The following RPH3A variants were observed in gnomAD, a reference collection of about 807,000 sequenced individuals.
RPH3A encodes rabphilin-3A.
Under a neutral mutation model 102.2 loss-of-function variants are expected in RPH3A, and 48 were observed. The observed-to-expected ratio is 0.47, with a 90% CI of 0.37 to 0.60. The LOEUF (loss-of-function observed/expected upper bound fraction) is 0.60, where lower values mean the gene tolerates loss of function less well. Among genes scored for constraint, RPH3A ranks in the 20% least tolerant of loss-of-function variants. The probability of loss-of-function intolerance (pLI) is 0.00; values close to 1 mark genes in which losing one functional copy is unlikely to be tolerated. For synonymous variants in RPH3A, 310 were observed against 324.3 expected, an observed-to-expected ratio of 0.96 and a Z score of 0.47; for missense variants, 781 against 910.1, an observed-to-expected ratio of 0.86 and a Z score of 1.83.
At chr12:112,855,797 A>G (rs904589970) in intron 5 of RPH3A, among the ~76,000 whole-genome samples, 8 of 152,140 alleles carry the variant, frequency 5.3e-5, no homozygotes, top group African/African-American at 1.9e-4. Context: ...TAATAAACTC[A>G]ACAGTAATAT....
chr12:112,817,194 A>T (rs2041690000), intron 2 of RPH3A, among the ~76,000 whole-genome samples: 1 of 152,154 alleles, frequency 6.6e-6, no homozygotes. Flanking sequence ...ATGCACTATC[A>T]TTGTTGATCC....
chr12:112,870,107 T>A, intron 10 of RPH3A, 68 bp downstream of exon 10: 1 of 1,464,524 alleles, frequency 6.8e-7, no homozygotes, highest in Non-Finnish European at 9.2e-7. Context: ...TGAGGGGAAC[T>A]GTGTTTTTAT....
chr12:112,808,352 G>A (rs998621712), intron 2 of RPH3A, among the ~76,000 whole-genome samples: 8 of 152,348 alleles, frequency 5.3e-5, no homozygotes, highest in South Asian at 2.1e-4. Context: ...AGCCCCAGCC[G>A]CGGCAGCTGG....
chr12:112,668,190 C>T (rs1249272147), intron 1 of RPH3A, among the ~76,000 whole-genome samples: 2 of 152,164 alleles, frequency 1.3e-5, no homozygotes, highest in Non-Finnish European at 2.9e-5. Flanking sequence ...TTATCTTACT[C>T]ACCATTCATC....
At chr12:112,724,052 ATTTTT>A (rs146271090) in intron 1 of RPH3A, among the ~76,000 whole-genome samples, 1 of 117,320 alleles carries the variant, frequency 8.5e-6, no homozygotes, top group Non-Finnish European at 1.7e-5. Flanking sequence ...AATTTTTTTG[ATTTTT>A]TTTTTTTTTT....
intron 16 of RPH3A, among the ~76,000 whole-genome samples, chr12:112,886,173 T>C (rs1373277039): frequency 6.6e-6 from 1 of 152,192 alleles, no homozygotes; most frequent in African/African-American, 2.4e-5. Flanking sequence ...AGTCCCTTCC[T>C]GTCCCCCAAG....
intron 1 of RPH3A, chr12:112,649,612 T>C (rs1314771379): frequency 6.6e-6 from 1 of 152,226 alleles, no homozygotes; most frequent in Non-Finnish European, 1.5e-5. Context: ...AATTGGGTGC[T>C]CATATTTTGA....
chr12:112,624,905 C>T (rs201340236), intron 1 of RPH3A, among the ~76,000 whole-genome samples: 105 of 48,236 alleles, frequency 2.2e-3, no homozygotes, highest in African/African-American at 7.3e-3. Context: ...GTTCAATATA[C>T]GCAAATCAAT....
intron 1 of RPH3A, among the ~76,000 whole-genome samples, chr12:112,741,481 C>G (rs1195364116): frequency 1.3e-5 from 2 of 152,204 alleles, no homozygotes; most frequent in Non-Finnish European, 2.9e-5. Context: ...AGACATAGAG[C>G]TGTCTTTGTT....
intron 2 of RPH3A, among the ~76,000 whole-genome samples, chr12:112,821,703 A>G (rs543115277): frequency 6.6e-6 from 1 of 152,048 alleles, no homozygotes; most frequent in Admixed American, 6.5e-5. Flanking sequence ...TTTTTCTCTA[A>G]AGCACTCATC....
At chr12:112,883,052 G>A (rs2042942681) in intron 15 of RPH3A, among the ~76,000 whole-genome samples, 1 of 152,126 alleles carries the variant, frequency 6.6e-6, no homozygotes, top group Non-Finnish European at 1.5e-5. Flanking sequence ...AAAGTTCAAG[G>A]AGGAGGCTTA....
intron 1 of RPH3A, among the ~76,000 whole-genome samples, chr12:112,706,511 T>C (rs1565854143): frequency 6.6e-6 from 1 of 152,146 alleles, no homozygotes; most frequent in East Asian, 1.9e-4. Flanking sequence ...TTACATTTCA[T>C]TCTCCTGCCC....
chr12:112,610,146 G>T lies in RPH3A; in HGVS notation c.-140+34827G>T, dbSNP rs111619729. On this transcript the variant is annotated intron_variant, in intron 1 of 21. Transcript: ENST00000543106. The stretch of plus-strand genomic sequence containing the variant: ...TCGCTCTGTTTCCACCTCTGCATTT[G>T]CTGTTCCTTCTGGCTGGTGCCTCTC... 1.3e-3 allele frequency among the ~76,000 whole-genome samples: 199 copies of T among 152,204 alleles called. 2 individuals carry two copies. The highest frequency in any genetic ancestry group is 4.7e-3 in the African/African-American group (195 of 41,514).
Position 112,817,572 on chromosome 12 carries a change from C to A in RPH3A, c.-18-10729C>A, listed in dbSNP as rs12367435. ...CGTGTGTGTGTGTGTGCACCCCCCA[C>A]CCCCCGCACACGCAGCCTTTTTAGA... On this transcript the variant is annotated intron_variant, in intron 2 of 21. Transcript: ENST00000389385. Among the ~76,000 whole-genome samples, 691 of 151,662 alleles carry A rather than the reference C, an allele frequency of 4.6e-3. 6 individuals carry two copies. The highest frequency in any genetic ancestry group is 0.016 in the African/African-American group (644 of 41,340).
chr12:112,845,231 C>T (rs981183307), intron 4 of RPH3A, among the ~76,000 whole-genome samples: 2 of 152,152 alleles, frequency 1.3e-5, no homozygotes, highest in Admixed American at 6.5e-5. Context: ...GGTCTTCTTT[C>T]CCTCTAGCAT....
chr12:112,703,038 T>C (rs1296220664), intron 1 of RPH3A, among the ~76,000 whole-genome samples: 1 of 152,176 alleles, frequency 6.6e-6, no homozygotes, highest in Non-Finnish European at 1.5e-5. Flanking sequence ...ATGTGCCAGT[T>C]CTGAGCCTGT....
chr12:112,888,903 G>A lies in RPH3A; in HGVS notation c.1563+980G>A, dbSNP rs145159504. Among the ~76,000 whole-genome samples the A allele has an allele frequency of 1.4e-3, 208 of 152,264 alleles. 1 individual carries two copies. The highest frequency in any genetic ancestry group is 4.6e-3 in the African/African-American group (192 of 41,536). Reference sequence around the variant, plus strand: ...TTCAGGCTGCCTTGCCTTACGTATGGGCCAACTTGGGCCCAGAAAGGGTAG... The same window carrying A: ...TTCAGGCTGCCTTGCCTTACGTATGAGCCAACTTGGGCCCAGAAAGGGTAG... On this transcript the variant is annotated intron_variant, in intron 17 of 21. Transcript: ENST00000389385.
At chr12:112,615,211 AT>A (rs1034925043) in intron 1 of RPH3A, among the ~76,000 whole-genome samples, 91 of 151,286 alleles carry the variant, frequency 6.0e-4, no homozygotes, top group African/African-American at 2.1e-3. Context: ...TTTCTGTGCT[AT>A]TTTTTTTTCT....
chr12:112,819,389 G>A (rs1297315713), intron 2 of RPH3A, among the ~76,000 whole-genome samples: 3 of 152,146 alleles, frequency 2.0e-5, no homozygotes, highest in African/African-American at 7.2e-5. Flanking sequence ...TTACAGGTGT[G>A]AGCCACCGTG....
Sources: gnomAD v4.1 joint callset for allele counts (sites outside exome capture counted in the v4.1 genomes callset) on GRCh38, gnomAD v4.1.1 for gene constraint, MANE v1.5 for transcripts, NCBI Gene and HGNC (gene_info 2026-07-23, HGNC 2026-07-21) for gene names.